DAGLB: variants seen among roughly 807,000 people sequenced by gnomAD.
DAGLB encodes the protein diacylglycerol lipase beta, also known as diacylglycerol lipase-beta.
In DAGLB, 66 loss-of-function variants were observed where a neutral mutation model predicts 72.1. That is an observed-to-expected ratio of 0.92 (90% CI 0.75 to 1.12). The LOEUF (loss-of-function observed/expected upper bound fraction) is 1.12. Among genes scored for constraint, DAGLB ranks in the 50% most tolerant of loss-of-function variants. The pLI is 0.00. For synonymous variants in DAGLB, 414 were observed against 359.5 expected (o/e 1.15, Z -1.71); for missense variants, 1,065 against 884.9 (o/e 1.20, Z -2.58).
chr7:6,436,830 A>C (rs937600420), intron 2 of DAGLB, among the ~76,000 whole-genome samples: 1 of 151,876 alleles, frequency 6.6e-6, no homozygotes, highest in Non-Finnish European at 1.5e-5. Flanking sequence ...TATACTTCTG[A>C]GAGGAAAAAA....
intron 6 of DAGLB, 36 bp from the exon 7 acceptor site, chr7:6,426,150 G>A (rs1055094755): frequency 6.2e-7 from 1 of 1,609,798 alleles, no homozygotes; most frequent in Admixed American, 1.7e-5. Flanking sequence ...ATGCCGAACA[G>A]AGCCACTTGG....
chr7:6,447,864 A>G lies in DAGLB; in HGVS notation c.-22T>C, dbSNP rs758188158. On this transcript the variant is annotated 5_prime_UTR_variant, in exon 1 of 15. Coordinates refer to ENST00000297056, the MANE Select transcript of DAGLB (RefSeq NM_139179.4). ...GCATGGCGAAGGTCCCGTAGCTCGC[A>G]CTCAGGAGAGACCCCGCGCGCCGTT... 2.2e-5 allele frequency: 35 copies of G among 1,597,420 alleles called. No homozygotes were observed. Among genetic ancestry groups the G allele is most frequent in the Non-Finnish European group, 2.9e-5 (34 of 1,173,862 alleles).
rs1290081841 is a variant in DAGLB at position 6,426,205 on chromosome 7, G to A, written c.930-91C>T. 2.6e-6 allele frequency: 4 copies of A among 1,558,178 alleles called. No individual in the cohort carries two copies. The African/African-American group carries it at 5.4e-5, about 21-fold the overall frequency. ...CTGCCACATGTTCCCAGAGACGCGA[G>A]GACCAGAGCGGACAATTCTCAGGAC... On this transcript the variant is annotated intron_variant, in intron 6 of 14. Coordinates refer to ENST00000297056, the MANE Select transcript of DAGLB (RefSeq NM_139179.4).
Position 6,434,796 on chromosome 7 carries a change from G to C in DAGLB, c.644C>G (p.Ser215Trp), listed in dbSNP as rs368162869. The change falls in exon 4 of 15, where the codon TCG (serine) becomes TGG (tryptophan). Residue 215 changes from serine (S) to tryptophan (W), a missense_variant. Ser to Trp is a radical substitution (Grantham distance 177). Coordinates refer to ENST00000297056, the MANE Select transcript of DAGLB (RefSeq NM_139179.4). ...GGTTGAGAAAAGCTCTGCCGTACTCGAAAAAGCAACCCGAGTATGGTCGTC... is the reference window on the plus strand; with the variant it reads ...GGTTGAGAAAAGCTCTGCCGTACTCCAAAAAGCAACCCGAGTATGGTCGTC... ...GKDDHTRVAFSSTAELFSTYF... is the reference protein window; with the variant it reads ...GKDDHTRVAFWSTAELFSTYF... The C allele has an allele frequency of 1.9e-6, 3 of 1,614,164 alleles. No individual in the cohort carries two copies. The highest frequency in any genetic ancestry group is 2.2e-5 in the East Asian group (1 of 44,872).
In DAGLB at chr7:6,409,892, C is replaced by T. The variant is rs749309835; in HGVS notation, c.1964G>A (p.Arg655Lys). The T allele has an allele frequency of 6.2e-7, 1 of 1,614,112 alleles. No homozygotes were observed. Among genetic ancestry groups the T allele is most frequent in the South Asian group, 1.1e-5 (1 of 91,082 alleles). Residue 655 changes from arginine (R) to lysine (K), a missense_variant, in exon 15 of 15, where the codon AGA (arginine) becomes AAA (lysine). Physicochemically the swap from Arg to Lys is conservative, Grantham distance 26 (BLOSUM62 2). Transcript: ENST00000297056. ...MRALDSVVSD[R>K]AACVSCPAQG... The stretch of plus-strand genomic sequence containing the variant: ...TGCTGGACAGGAGACGCAGGCCGCT[C>T]TGTCGGAGACCACGCTGTCCAAGGC...
rs537139116 is a variant in DAGLB, at chr7:6,438,913, G to A, written c.248-2380C>T. 2.9e-4 allele frequency among the ~76,000 whole-genome samples: 44 copies of A among 152,122 alleles called. No individual in the cohort carries two copies. The South Asian group carries it at 8.9e-3, about 31-fold the overall frequency. ...GTACTGAGAAAATCTCCTTTACACG[G>A]TTTTGCCTGCCTAGAAAAAATTTCT... is the stretch of plus-strand genomic sequence containing the variant. On this transcript the variant is annotated intron_variant, in intron 2 of 14. Transcript: ENST00000297056.
At chr7:6,438,987 G>A (rs1051710497) in intron 2 of DAGLB, among the ~76,000 whole-genome samples, 12 of 151,994 alleles carry the variant, frequency 7.9e-5, no homozygotes, top group East Asian at 3.9e-4. Context: ...TTGGGAGGCC[G>A]AGGTGGATGG....
At chr7:6,441,237 G>C (rs1245113232) in intron 2 of DAGLB, among the ~76,000 whole-genome samples, 1 of 147,396 alleles carries the variant, frequency 6.8e-6, no homozygotes, top group Admixed American at 6.9e-5. Flanking sequence ...ACTACAGGCA[G>C]CTGCCACCAC....
At position 6,446,110 on chromosome 7, in the gene DAGLB, A is replaced by T; in HGVS notation, c.96-6T>A. ...ACGTCAGAATGCCAATCCACCTGGC[A>T]AAAAAAAAAAAGGGAAGGGTCAGAA... On this transcript the variant is annotated splice_polypyrimidine_tract_variant and splice_region_variant and intron_variant, in intron 1 of 14. Transcript: ENST00000297056. 3 of 314,778 alleles carry T rather than the reference A, an allele frequency of 9.5e-6. No individual in the cohort carries two copies. The highest frequency in any genetic ancestry group is 1.5e-5 in the Non-Finnish European group (3 of 199,908). 19.5% of individuals were successfully genotyped at this position (314,778 alleles called of 1,614,324 possible). A position where few individuals can be genotyped will look rare whatever the true frequency, so the allele number is the denominator to read the frequency against.
chr7:6,411,257 C>T (rs1302513188), intron 13 of DAGLB, among the ~76,000 whole-genome samples: 2 of 152,242 alleles, frequency 1.3e-5, no homozygotes, highest in African/African-American at 4.8e-5. Flanking sequence ...GATCCACCCA[C>T]CTCAGCCTCC....
chr7:6,436,166 C>T (rs113981148), intron 3 of DAGLB, among the ~76,000 whole-genome samples, 196 bp downstream of exon 3: 3 of 151,892 alleles, frequency 2.0e-5, no homozygotes, highest in Admixed American at 6.6e-5. Context: ...TACATCAATA[C>T]GTGCATAACG....
Position 6,434,946 on chromosome 7 carries a change from T to C in DAGLB, c.494A>G (p.Tyr165Cys), listed in dbSNP as rs373716557. The change falls in exon 4 of 15, where the codon TAT becomes TGT. Residue 165 changes from tyrosine (Y) to cysteine (C), a missense_variant. Transcript: ENST00000297056. ...CAGGTGGCTGGGGCCGGCAGAGGAA[T>C]ATGGAGCCATTTTCCCCCCAAGAGG... is the stretch of plus-strand genomic sequence containing the variant. ...FDPLGGKMAP[Y>C]SSAGPSHLDS... 5 of 1,613,774 alleles carry C rather than the reference T, an allele frequency of 3.1e-6. No individual in the cohort carries two copies. The highest frequency in any genetic ancestry group is 2.7e-5 in the African/African-American group (2 of 74,792).
intron 14 of DAGLB, 29 bp from the exon 15 acceptor site, chr7:6,410,064 A>T: frequency 6.2e-7 from 1 of 1,601,666 alleles, no homozygotes; most frequent in African/African-American, 1.3e-5. Context: ...GACAGCTCCC[A>T]CGCGGCCCCA....
rs564700717 is a variant in DAGLB, at chr7:6,416,473, G to A, written c.1427+154C>T. The stretch of plus-strand genomic sequence containing the variant: ...CAGAAGAACCGCCTGAACCTGGGAG[G>A]TGGAGCTTGCAGTGAGCCGAGATCA... On this transcript the variant is annotated intron_variant, in intron 11 of 14. Transcript: ENST00000297056. 5.2e-4 allele frequency: 581 copies of A among 1,113,446 alleles called. 1 individual carries two copies. The highest frequency in any genetic ancestry group is 6.3e-4 in the Non-Finnish European group (509 of 812,978). 69.0% of individuals were successfully genotyped at this position (1,113,446 alleles called of 1,614,324 possible).
intron 13 of DAGLB, among the ~76,000 whole-genome samples, chr7:6,411,709 A>G (rs1783734292): frequency 6.6e-6 from 1 of 152,200 alleles, no homozygotes; most frequent in African/African-American, 2.4e-5. Context: ...ACCATGAGAA[A>G]GGTCAGAAAA....
intron 1 of DAGLB, among the ~76,000 whole-genome samples, 161 bp from the exon 2 acceptor site, chr7:6,446,265 G>A (rs1326682760): frequency 4.7e-5 from 7 of 148,392 alleles, no homozygotes; most frequent in Non-Finnish European, 7.4e-5. Context: ...TCAGGAGATC[G>A]AGACCATCCT....
intron 2 of DAGLB, 63 bp from the exon 3 acceptor site, chr7:6,436,596 T>C: frequency 6.2e-7 from 1 of 1,604,272 alleles, no homozygotes; most frequent in African/African-American, 1.3e-5. Context: ...GCTTCCTTTT[T>C]GCAAAAATAC....
At chr7:6,423,171 G>C (rs1784188850) in intron 8 of DAGLB, among the ~76,000 whole-genome samples, 1 of 152,128 alleles carries the variant, frequency 6.6e-6, no homozygotes, top group African/African-American at 2.4e-5. Flanking sequence ...AGGATCACTT[G>C]AGCCCAAGAG....
Position 6,435,037 on chromosome 7 carries a change from G to A in DAGLB, c.420-17C>T, listed in dbSNP as rs756473678. ...ATGATCCAACTGCAAGACAGAGAGA[G>A]GAAAAGGCTCGGTGACTGCGGGCCC... On this transcript the variant is annotated splice_polypyrimidine_tract_variant and intron_variant, in intron 3 of 14. Transcript: ENST00000297056. 6.2e-7 allele frequency: 1 copy of A among 1,611,188 alleles called. No homozygotes were observed.
Sources: allele counts gnomAD v4.1 joint callset (sites outside exome capture counted in the v4.1 genomes callset), GRCh38; gene constraint gnomAD v4.1.1; transcripts MANE v1.5; gene names NCBI Gene and HGNC (gene_info 2026-07-23, HGNC 2026-07-21).